The following AGMO variants were observed in gnomAD, a reference collection of about 807,000 sequenced individuals.
AGMO encodes the protein glyceryl-ether monooxygenase.
AGMO carries 75 observed loss-of-function variants against 60.2 expected under a neutral mutation model. That is an observed-to-expected ratio of 1.25 (90% CI 1.03 to 1.51). The LOEUF (loss-of-function observed/expected upper bound fraction) is 1.51. Among genes scored for constraint, AGMO ranks in the 40% most tolerant of loss-of-function variants. The probability of loss-of-function intolerance (pLI) is 0.00; values close to 1 mark genes in which losing one functional copy is unlikely to be tolerated. For missense variants in AGMO, 763 were observed against 525.5 expected, an observed-to-expected ratio of 1.45 and a Z score of -4.42; for synonymous variants, 261 against 177.1, an observed-to-expected ratio of 1.47 and a Z score of -3.76.
intron 5 of AGMO, among the ~76,000 whole-genome samples, chr7:15,409,942 T>C (rs970019328): frequency 6.6e-6 from 1 of 151,722 alleles, no homozygotes; most frequent in African/African-American, 2.4e-5. Context: ...GAAAATTTAA[T>C]GTGAAAATAC....
intron 12 of AGMO, among the ~76,000 whole-genome samples, chr7:15,266,453 C>CT (rs1468793907): frequency 6.6e-6 from 1 of 151,958 alleles, no homozygotes; most frequent in Admixed American, 6.6e-5. Context: ...AGATTTCTTT[C>CT]TTATAACTTT....
intron 12 of AGMO, among the ~76,000 whole-genome samples, chr7:15,357,415 A>G (rs1025714708): frequency 2.6e-5 from 4 of 151,740 alleles, no homozygotes; most frequent in Non-Finnish European, 4.4e-5. Context: ...GATGAACCCA[A>G]GTAATAAATA....
chr7:15,283,247 A>G (rs1292822581), intron 12 of AGMO, among the ~76,000 whole-genome samples: 1 of 152,120 alleles, frequency 6.6e-6, no homozygotes, highest in African/African-American at 2.4e-5. Context: ...TTAATGTTGA[A>G]TGTAAATGCC....
intron 3 of AGMO, among the ~76,000 whole-genome samples, chr7:15,533,372 A>C (rs1784414702): frequency 6.6e-6 from 1 of 152,228 alleles, no homozygotes; most frequent in South Asian, 2.1e-4. Flanking sequence ...TGACAATAAC[A>C]ATGTACCTAT....
chr7:15,321,534 A>G (rs1781108726), intron 12 of AGMO, among the ~76,000 whole-genome samples: 1 of 152,160 alleles, frequency 6.6e-6, no homozygotes. Context: ...GAGTAGAGCC[A>G]GAAGGAAATG....
At chr7:15,356,636 G>C (rs1490686386) in intron 12 of AGMO, among the ~76,000 whole-genome samples, 1 of 151,920 alleles carries the variant, frequency 6.6e-6, no homozygotes, top group Non-Finnish European at 1.5e-5. Context: ...AGATAATACA[G>C]TGTTATTAAT....
chr7:15,385,634 A>G, intron 9 of AGMO, 72 bp from the exon 10 acceptor site: 2 of 855,870 alleles, frequency 2.3e-6, no homozygotes, highest in Non-Finnish European at 3.8e-6. Context: ...ACACTAAGAG[A>G]TATTTGAAAA....
intron 12 of AGMO, among the ~76,000 whole-genome samples, chr7:15,304,605 G>A (rs10244911): frequency 0.033 from 4,991 of 151,986 alleles, 248 homozygotes; most frequent in African/African-American, 0.11. Context: ...ATTCAGTTTC[G>A]TTATGAGTCA....
Position 15,448,500 on chromosome 7 carries a change from G to T in AGMO, c.410-17392C>A, listed in dbSNP as rs143256937. On this transcript the variant is annotated intron_variant, in intron 3 of 12. Transcript: ENST00000342526. ...ACTTGGTTTATGGAATTTTGTTATA[G>T]TAGTGCAAAGGGACTAAGATATGAA... Among the ~76,000 whole-genome samples the T allele has an allele frequency of 2.7e-3, 413 of 152,222 alleles. 3 individuals are homozygous for T. Among genetic ancestry groups the T allele is most frequent in the African/African-American group, 9.5e-3 (396 of 41,530 alleles).
At chr7:15,451,416 T>C (rs1185092527) in intron 3 of AGMO, among the ~76,000 whole-genome samples, 6 of 152,260 alleles carry the variant, frequency 3.9e-5, no homozygotes. Context: ...CAAAATACTT[T>C]AAACTGGATA....
At chr7:15,400,421 G>C (rs564900443) in intron 5 of AGMO, among the ~76,000 whole-genome samples, 1 of 152,158 alleles carries the variant, frequency 6.6e-6, no homozygotes, top group African/African-American at 2.4e-5. Flanking sequence ...AGAATTATCT[G>C]GTACAAAATG....
At chr7:15,259,542 C>A (rs1219963684) in intron 12 of AGMO, among the ~76,000 whole-genome samples, 1 of 152,024 alleles carries the variant, frequency 6.6e-6, no homozygotes, top group Non-Finnish European at 1.5e-5. Flanking sequence ...CATCCAAATA[C>A]AAGAAACCCA....
At chr7:15,362,972 A>C (rs923348892) in intron 12 of AGMO, among the ~76,000 whole-genome samples, 10 of 152,184 alleles carry the variant, frequency 6.6e-5, no homozygotes, top group African/African-American at 2.4e-4. Flanking sequence ...CTTAATAGTT[A>C]TGTGCATTTA....
At chr7:15,457,563 T>C (rs1782030990) in intron 3 of AGMO, among the ~76,000 whole-genome samples, 1 of 152,186 alleles carries the variant, frequency 6.6e-6, no homozygotes, top group African/African-American at 2.4e-5. Context: ...TTTAAATGTA[T>C]TACAGGACTG....
At chr7:15,544,504 T>C (rs542620596) in intron 3 of AGMO, among the ~76,000 whole-genome samples, 5 of 152,232 alleles carry the variant, frequency 3.3e-5, no homozygotes, top group African/African-American at 1.2e-4. Flanking sequence ...ATAATAAAAA[T>C]ACAATGCTAT....
chr7:15,346,158 CA>C (rs1483296590), intron 12 of AGMO, among the ~76,000 whole-genome samples: 3 of 152,096 alleles, frequency 2.0e-5, no homozygotes, highest in Admixed American at 6.6e-5. Context: ...CTATGCTTTT[CA>C]AACTGGAAAC....
At chr7:15,438,949 G>A (rs535259172) in intron 3 of AGMO, among the ~76,000 whole-genome samples, 4 of 152,274 alleles carry the variant, frequency 2.6e-5, no homozygotes, top group African/African-American at 9.6e-5. Context: ...TCTTCACTCA[G>A]TTTCTTACAG....
At chr7:15,253,855 G>C (rs1053411698) in intron 12 of AGMO, among the ~76,000 whole-genome samples, 1 of 151,842 alleles carries the variant, frequency 6.6e-6, no homozygotes, top group Non-Finnish European at 1.5e-5. Context: ...TCCTTCTCTC[G>C]TCTATTCTCC....
At chr7:15,127,594 G>T in the AGMO span, among the ~76,000 whole-genome samples, 1 of 151,966 alleles carries the variant, frequency 6.6e-6, no homozygotes, top group Non-Finnish European at 1.5e-5. Flanking sequence ...CACTTAGCTA[G>T]TCTAGATAAA....
Sources: gnomAD v4.1 joint callset for allele counts (sites outside exome capture counted in the v4.1 genomes callset) on GRCh38, gnomAD v4.1.1 for gene constraint, MANE v1.5 for transcripts, NCBI Gene and HGNC (gene_info 2026-07-23, HGNC 2026-07-21) for gene names.